VPS13D: variants seen among roughly 807,000 people sequenced by gnomAD.
VPS13D encodes vacuolar protein sorting 13 homolog D.
Under a neutral mutation model 461.9 loss-of-function variants are expected in VPS13D, and 187 were observed. That is an observed-to-expected ratio of 0.40 (90% CI 0.36 to 0.46). VPS13D has a LOEUF of 0.46. Among genes scored for constraint, VPS13D ranks in the 20% least tolerant of loss-of-function variants. VPS13D has a pLI of 0.60. For missense variants in VPS13D, 4,711 were observed against 5,364.9 expected (o/e 0.88, Z 3.81); for synonymous variants, 1,951 against 1,986.3 (o/e 0.98, Z 0.47).
intron 58 of VPS13D, among the ~76,000 whole-genome samples, chr1:12,384,457 A>G (rs989845591): frequency 2.0e-5 from 3 of 152,194 alleles, no homozygotes; most frequent in African/African-American, 7.2e-5. Context: ...GAAGATGTCC[A>G]TAAGTCATTG....
At chr1:12,321,437 A>G (rs757796323) in intron 32 of VPS13D, among the ~76,000 whole-genome samples, 7 of 152,174 alleles carry the variant, frequency 4.6e-5, no homozygotes, top group South Asian at 2.1e-4. Context: ...AATGGCTGCA[A>G]ATATTCCATT....
intron 68 of VPS13D, among the ~76,000 whole-genome samples, chr1:12,500,405 T>G (rs958118547): frequency 2.0e-5 from 3 of 152,200 alleles, no homozygotes; most frequent in Non-Finnish European, 4.4e-5. Context: ...TCTTTCTAAC[T>G]CATGTCTCAT....
chr1:12,263,983 A>G (rs540807288), intron 13 of VPS13D, among the ~76,000 whole-genome samples: 29 of 152,312 alleles, frequency 1.9e-4, no homozygotes, highest in African/African-American at 6.5e-4. Context: ...TTCCAACAGC[A>G]TGTGCTCACT....
intron 65 of VPS13D, among the ~76,000 whole-genome samples, chr1:12,445,930 C>T (rs577792245): frequency 1.4e-4 from 21 of 152,328 alleles, no homozygotes; most frequent in Admixed American, 1.1e-3. Flanking sequence ...AGATACATGA[C>T]ACTTGTGTAT....
At chr1:12,249,397 C>T (rs1640663492) in intron 6 of VPS13D, 58 bp downstream of exon 6, 1 of 1,435,958 alleles carries the variant, frequency 7.0e-7, no homozygotes, top group Non-Finnish European at 9.6e-7. Context: ...GAATCTGGGG[C>T]TCTGCCTTTT....
intron 60 of VPS13D, among the ~76,000 whole-genome samples, chr1:12,396,000 T>TATATATATAA (rs1644491342): frequency 8.1e-6 from 1 of 123,726 alleles, no homozygotes; most frequent in Non-Finnish European, 1.6e-5. Context: ...ATAGGAGATA[T>TATATATATAA]ATATATATAT....
intron 21 of VPS13D, among the ~76,000 whole-genome samples, chr1:12,286,166 C>G (rs1400511100): frequency 6.6e-6 from 1 of 152,094 alleles, no homozygotes; most frequent in African/African-American, 2.4e-5. Flanking sequence ...CAGCCTCTGC[C>G]TCCTGGGTTC....
intron 67 of VPS13D, among the ~76,000 whole-genome samples, chr1:12,464,279 T>C (rs1197905442): frequency 6.6e-6 from 1 of 152,180 alleles, no homozygotes; most frequent in African/African-American, 2.4e-5. Context: ...TGACCGAGGG[T>C]TGACCTGAGC....
chr1:12,338,410 A>G, intron 40 of VPS13D, 105 bp downstream of exon 40: 1 of 940,490 alleles, frequency 1.1e-6, no homozygotes, highest in East Asian at 2.4e-5. Flanking sequence ...GGGGTATTCC[A>G]TGTCGTGAGT....
chr1:12,440,071 A>T (rs1054741052), intron 65 of VPS13D, among the ~76,000 whole-genome samples: 1 of 152,214 alleles, frequency 6.6e-6, no homozygotes. Flanking sequence ...AGCTCCCTAG[A>T]TGCTGCCTGT....
intron 60 of VPS13D, among the ~76,000 whole-genome samples, chr1:12,399,016 G>T (rs561349716): frequency 6.6e-6 from 1 of 152,240 alleles, no homozygotes; most frequent in African/African-American, 2.4e-5. Context: ...TTGTCATAAG[G>T]ATGGCAGCAA....
intron 63 of VPS13D, among the ~76,000 whole-genome samples, chr1:12,408,269 A>C (rs1289890899): frequency 6.6e-6 from 1 of 152,194 alleles, no homozygotes; most frequent in Non-Finnish European, 1.5e-5. Context: ...GTAGCTAGCC[A>C]TATGACTTTA....
Position 12,234,344 on chromosome 1 carries a change from C to G in VPS13D, c.78C>G (p.Leu26=). ...TCAATAACCTGAACACTGACCAGCT[C>G]TCAGTTGCACTTCTCAAAGGTGAGT... is the stretch of plus-strand genomic sequence containing the variant. ...KYVNNLNTDQ[L]SVALLKGAVE... is the part of the protein sequence containing the mutation. Residue 26 remains leucine (L), a synonymous_variant, in exon 2 of 70, where the codon CTC becomes CTG. Transcript: ENST00000620676. 2.5e-6 allele frequency: 4 copies of G among 1,613,960 alleles called. No homozygotes were observed. Among genetic ancestry groups the G allele is most frequent in the Non-Finnish European group, 3.4e-6 (4 of 1,179,900 alleles).
At chr1:12,300,312 A>G (rs1642389154) in intron 25 of VPS13D, among the ~76,000 whole-genome samples, 1 of 150,756 alleles carries the variant, frequency 6.6e-6, no homozygotes, top group Admixed American at 6.6e-5. Context: ...GGTTTAAGCA[A>G]TTCTCCCGCC....
chr1:12,355,811 T>C, intron 47 of VPS13D, 88 bp from the exon 48 acceptor site: 4 of 1,345,194 alleles, frequency 3.0e-6, no homozygotes, highest in Non-Finnish European at 3.0e-6. Flanking sequence ...TTATTGGTTT[T>C]TCCAAAAGGA....
chr1:12,422,527 C>A (rs1352074323), intron 65 of VPS13D, among the ~76,000 whole-genome samples: 2 of 152,102 alleles, frequency 1.3e-5, no homozygotes, highest in African/African-American at 4.8e-5. Context: ...TGTCTTAAAT[C>A]AGTTTTGTTT....
Position 12,314,211 on chromosome 1 carries a change from C to T in VPS13D, c.7032C>T (p.Thr2344=). 2 of 1,614,092 alleles carry T rather than the reference C, an allele frequency of 1.2e-6. No individual in the cohort carries two copies. Among genetic ancestry groups the T allele is most frequent in the Non-Finnish European group, 1.7e-6 (2 of 1,180,004 alleles). ...LVSHSMMAFD[T]RYAGQKTSPG... ...CCCATTCCATGATGGCTTTTGACAC[C>T]CGTTATGCTGGGCAGAAGACCAGCC... Residue 2344 remains threonine (T), a synonymous_variant, in exon 30 of 70, where the codon ACC becomes ACT. Coordinates refer to ENST00000620676, the MANE Select transcript of VPS13D (RefSeq NM_015378.4).
At chr1:12,508,269 T>C (rs1338977808) in intron 69 of VPS13D, among the ~76,000 whole-genome samples, 1 of 152,220 alleles carries the variant, frequency 6.6e-6, no homozygotes. Flanking sequence ...CTGATTCTTC[T>C]TCCTTCATCA....
At chr1:12,456,414 G>T (rs1645328459) in intron 66 of VPS13D, among the ~76,000 whole-genome samples, 1 of 151,860 alleles carries the variant, frequency 6.6e-6, no homozygotes, top group African/African-American at 2.4e-5. Context: ...GAGGCGGGTG[G>T]ATCATTTGAG....
Sources: allele counts gnomAD v4.1 joint callset (sites outside exome capture counted in the v4.1 genomes callset), GRCh38; gene constraint gnomAD v4.1.1; transcripts MANE v1.5; gene names NCBI Gene and HGNC (gene_info 2026-07-23, HGNC 2026-07-21).